The following SAMMSON variants were observed in gnomAD, a reference collection of about 807,000 sequenced individuals.
SAMMSON encodes long intergenic non-protein coding RNA 1212.
chr3:70,294,887 GA>G (rs1702275038), intron 7 of SAMMSON, among the ~76,000 whole-genome samples: 2 of 151,806 alleles, frequency 1.3e-5, no homozygotes, highest in Non-Finnish European at 2.9e-5. Flanking sequence ...CTTTTTTTGT[GA>G]ACCATCTTAA....
intron 1 of SAMMSON, among the ~76,000 whole-genome samples, chr3:70,007,441 G>C (rs1390142121): frequency 1.3e-5 from 2 of 152,096 alleles, no homozygotes; most frequent in African/African-American, 4.8e-5. Flanking sequence ...CTGCATAAAT[G>C]TCTTCTTTTG....
At chr3:70,327,415 A>G (rs1702587783) in intron 7 of SAMMSON, among the ~76,000 whole-genome samples, 2 of 152,188 alleles carry the variant, frequency 1.3e-5, no homozygotes, top group African/African-American at 4.8e-5. Flanking sequence ...GAGAGATTTT[A>G]CAGGGTTGGG....
intron 3 of SAMMSON, among the ~76,000 whole-genome samples, chr3:70,031,974 A>G (rs1430547012): frequency 6.6e-6 from 1 of 152,222 alleles, no homozygotes; most frequent in Non-Finnish European, 1.5e-5. Flanking sequence ...AAGATTACTT[A>G]TGAGTTGTGT....
At chr3:70,098,207 C>G (rs2067329647) in intron 4 of SAMMSON, among the ~76,000 whole-genome samples, 1 of 152,124 alleles carries the variant, frequency 6.6e-6, no homozygotes, top group Admixed American at 6.5e-5. Context: ...AAGTCAGCAT[C>G]TTGTCCAAAC....
At chr3:70,262,363 T>C (rs1667048271) in intron 6 of SAMMSON, among the ~76,000 whole-genome samples, 1 of 152,144 alleles carries the variant, frequency 6.6e-6, no homozygotes, top group African/African-American at 2.4e-5. Flanking sequence ...AACATAAGTT[T>C]TAATGAGAAA....
intron 6 of SAMMSON, among the ~76,000 whole-genome samples, chr3:70,272,774 C>A (rs918767525): frequency 6.6e-6 from 1 of 152,174 alleles, no homozygotes; most frequent in Non-Finnish European, 1.5e-5. Flanking sequence ...TGCTTTCTTT[C>A]CTCCATTGGA....
chr3:70,129,164 T>C (rs2067470774), intron 4 of SAMMSON, among the ~76,000 whole-genome samples: 1 of 152,196 alleles, frequency 6.6e-6, no homozygotes, highest in Non-Finnish European at 1.5e-5. Context: ...TTGATAAAAG[T>C]AACCTCTTTT....
At chr3:70,366,676 C>T (rs1702922944) in intron 9 of SAMMSON, among the ~76,000 whole-genome samples, 2 of 151,356 alleles carry the variant, frequency 1.3e-5, no homozygotes, top group South Asian at 4.2e-4. Context: ...GTGGACATAA[C>T]TTTGCAAATC....
intron 4 of SAMMSON, among the ~76,000 whole-genome samples, chr3:70,073,207 A>G (rs1330115917): frequency 1.3e-5 from 2 of 152,058 alleles, no homozygotes; most frequent in African/African-American, 2.4e-5. Context: ...CATAGACATA[A>G]ATAATCTGTG....
intron 2 of SAMMSON, among the ~76,000 whole-genome samples, chr3:70,013,218 C>A (rs1576095568): frequency 1.3e-5 from 2 of 152,140 alleles, no homozygotes; most frequent in African/African-American, 2.4e-5. Flanking sequence ...GGTTTTGACT[C>A]TGGCTTTGTT....
rs79978474 is a variant in SAMMSON, at chr3:70,221,493, C to T, written n.508-27614C>T. On this transcript the variant is annotated intron_variant and non_coding_transcript_variant, in intron 4 of 9. Transcript: ENST00000642114. ...TTCTACAGCCTTTCCTCTTAACCAC[C>T]GTGATATATGCAGGAGATACAAAGA... Among the ~76,000 whole-genome samples the T allele has an allele frequency of 2.2e-3, 331 of 152,160 alleles. 1 individual carries two copies. Among genetic ancestry groups the T allele is most frequent in the African/African-American group, 7.7e-3 (321 of 41,528 alleles).
chr3:70,352,845 C>T (rs1363363938), intron 7 of SAMMSON, among the ~76,000 whole-genome samples: 1 of 151,856 alleles, frequency 6.6e-6, no homozygotes, highest in Non-Finnish European at 1.5e-5. Context: ...TATTTTATAG[C>T]TATAGAAATC....
At chr3:70,380,231 C>A (rs1486937189) in intron 9 of SAMMSON, among the ~76,000 whole-genome samples, 2 of 152,118 alleles carry the variant, frequency 1.3e-5, no homozygotes, top group East Asian at 3.9e-4. Context: ...TTTGTTCTTA[C>A]TGATATTATT....
At chr3:70,016,850 T>A (rs1481395311) in intron 3 of SAMMSON, among the ~76,000 whole-genome samples, 1 of 152,190 alleles carries the variant, frequency 6.6e-6, no homozygotes, top group South Asian at 2.1e-4. Flanking sequence ...GGGAATCCTT[T>A]CCCCATTTCT....
intron 4 of SAMMSON, among the ~76,000 whole-genome samples, chr3:70,104,665 A>G (rs2067359954): frequency 6.6e-6 from 1 of 152,178 alleles, no homozygotes; most frequent in African/African-American, 2.4e-5. Flanking sequence ...TCAAATGAAA[A>G]TGCAAAACTG....
At chr3:70,126,144 C>G in intron 4 of SAMMSON, 1 of 1,257,486 alleles carries the variant, frequency 8.0e-7, no homozygotes, top group South Asian at 1.3e-5. Context: ...GGTACATATA[C>G]TTGAGGCATG....
intron 7 of SAMMSON, among the ~76,000 whole-genome samples, chr3:70,306,945 T>G (rs1239334331): frequency 6.6e-6 from 1 of 152,130 alleles, no homozygotes; most frequent in African/African-American, 2.4e-5. Flanking sequence ...TTGACTTTGC[T>G]CATACAAATA....
At chr3:70,296,345 T>C (rs1405889902) in intron 7 of SAMMSON, among the ~76,000 whole-genome samples, 1 of 152,158 alleles carries the variant, frequency 6.6e-6, no homozygotes, top group African/African-American at 2.4e-5. Flanking sequence ...AAACAGACTC[T>C]TAACATGATA....
intron 4 of SAMMSON, among the ~76,000 whole-genome samples, chr3:70,199,339 G>T (rs1473191396): frequency 6.6e-6 from 1 of 151,988 alleles, no homozygotes; most frequent in Admixed American, 6.6e-5. Context: ...GACTCTGGAG[G>T]TCTCCTCTTC....
Sources: gnomAD v4.1 joint callset for allele counts (sites outside exome capture counted in the v4.1 genomes callset) on GRCh38, gnomAD v4.1.1 for gene constraint, MANE v1.5 for transcripts, NCBI Gene and HGNC (gene_info 2026-07-23, HGNC 2026-07-21) for gene names.